Variants in GFPT2 observed in about 807,000 individuals in gnomAD.
The protein encoded by GFPT2 is glutamine--fructose-6-phosphate transaminase 2.
A neutral mutation model predicts 85.6 loss-of-function variants in GFPT2; 62 were observed. The ratio of observed to expected loss-of-function variants is 0.72; its 90% CI spans 0.59 to 0.90. The LOEUF (loss-of-function observed/expected upper bound fraction) is 0.90, where lower values mean the gene tolerates loss of function less well. Ranked by LOEUF, GFPT2 falls within the 40% of genes least tolerant of loss-of-function variation. The probability of loss-of-function intolerance (pLI) is 0.00; values close to 1 mark genes in which losing one functional copy is unlikely to be tolerated. For missense variants in GFPT2, 788 were observed against 893.4 expected (o/e 0.88, Z 1.50); for synonymous variants, 368 against 344.5 (o/e 1.07, Z -0.75).
chr5:180,319,434 A>G (rs1764077149), intron 9 of GFPT2, among the ~76,000 whole-genome samples: 1 of 152,212 alleles, frequency 6.6e-6, no homozygotes, highest in Non-Finnish European at 1.5e-5. Flanking sequence ...TAAAGCATTT[A>G]TCTCGCCTTT....
chr5:180,311,106 C>T (rs904331715), intron 15 of GFPT2, among the ~76,000 whole-genome samples: 1 of 152,182 alleles, frequency 6.6e-6, no homozygotes, highest in African/African-American at 2.4e-5. Context: ...CTATGATGGC[C>T]CTTCCCCAAC....
At chr5:180,319,054 G>C in intron 9 of GFPT2, 98 bp from the exon 10 acceptor site, 1 of 1,124,122 alleles carries the variant, frequency 8.9e-7, no homozygotes, top group Non-Finnish European at 1.3e-6. Context: ...CACATCGTTG[G>C]CATTTTAGGA....
intron 7 of GFPT2, among the ~76,000 whole-genome samples, chr5:180,326,004 G>A (rs1426442370): frequency 2.6e-5 from 4 of 151,430 alleles, no homozygotes; most frequent in Non-Finnish European, 4.4e-5. Flanking sequence ...CAGCTTGGGC[G>A]ACAAAGCGAG....
At position 180,328,354 on chromosome 5, in the gene GFPT2, C is replaced by T. The variant is rs375484298; in HGVS notation, c.535-16G>A. The T allele has an allele frequency of 5.4e-4, 864 of 1,604,982 alleles. 1 individual carries two copies. Among genetic ancestry groups the T allele is most frequent in the Non-Finnish European group, 7.0e-4 (816 of 1,172,256 alleles). ...ATGCACCTTCCTGAAAACACACAAA[C>T]AGTGAGGGTCAACGCGTTCCAGCAG... On this transcript the variant is annotated splice_polypyrimidine_tract_variant and intron_variant, in intron 6 of 18. Transcript: ENST00000253778. The surrounding 1 kb of genome is among the most constrained non-coding windows in gnomAD (Gnocchi z 5.4).
intron 9 of GFPT2, among the ~76,000 whole-genome samples, chr5:180,319,742 A>T (rs751863543): frequency 2.3e-4 from 35 of 152,194 alleles, no homozygotes; most frequent in Admixed American, 9.2e-4. Flanking sequence ...CCAACTATGT[A>T]GTCTTGCCAA....
chr5:180,301,450 A>G lies in GFPT2; in HGVS notation c.*114T>C. The G allele has an allele frequency of 2.2e-6, 2 of 914,724 alleles. No individual in the cohort carries two copies. The highest frequency in any genetic ancestry group is 2.4e-5 in the East Asian group (1 of 41,668). 56.7% of individuals were successfully genotyped at this position (914,724 alleles called of 1,614,324 possible). A position where few individuals can be genotyped will look rare whatever the true frequency, so the allele number is the denominator to read the frequency against. ...GCACGTGGAAGCTGTCAAGCTCTAC[A>G]GGAGCACGCAGAACATGTGGGATGT... On this transcript the variant is annotated 3_prime_UTR_variant, in exon 19 of 19. Coordinates refer to ENST00000253778, the MANE Select transcript of GFPT2 (RefSeq NM_005110.4).
At chr5:180,302,296 A>C (rs989779181) in intron 18 of GFPT2, 127 bp downstream of exon 18, 1 of 706,688 alleles carries the variant, frequency 1.4e-6, no homozygotes, top group Non-Finnish European at 2.2e-6. Context: ...CAAAAAAAAA[A>C]AAAAGAAAGC....
intron 1 of GFPT2, among the ~76,000 whole-genome samples, chr5:180,345,275 C>T (rs561408142): frequency 6.6e-6 from 1 of 152,396 alleles, no homozygotes; most frequent in East Asian, 1.9e-4. Flanking sequence ...TTGGTTGTGG[C>T]TTGGTCAAGA....
Position 180,330,599 on chromosome 5 carries a change from CT to C in GFPT2, c.534+100del. 1 of 968,708 alleles carries C rather than the reference CT, an allele frequency of 1.0e-6. No individual in the cohort carries two copies. Among genetic ancestry groups the C allele is most frequent in the Non-Finnish European group, 1.6e-6 (1 of 624,886 alleles). The allele number at this position is 968,708 out of a possible 1,614,324, so 60.0% of individuals were successfully genotyped here. The stretch of plus-strand genomic sequence containing the variant: ...TCTGTGCAAGTTTGTCTAACAAGGG[CT>C]TATAAAAAATGAAGGATTCCTTGGC... On this transcript the variant is annotated intron_variant, in intron 6 of 18. Coordinates refer to ENST00000253778, the MANE Select transcript of GFPT2 (RefSeq NM_005110.4). This position sits in a 1 kb window ranked among gnomAD's most constrained non-coding sequence, Gnocchi z 4.4.
Position 180,300,794 on chromosome 5 carries a change from C to T in GFPT2, c.*770G>A, listed in dbSNP as rs1298275037. On this transcript the variant is annotated 3_prime_UTR_variant, in exon 19 of 19. Coordinates refer to ENST00000253778, the MANE Select transcript of GFPT2 (RefSeq NM_005110.4). ...AGAGTTGCCCACTTGAAACTACTCT[C>T]TTGCATGGGATATTTCAAGCTGTTT... 2 of 152,650 alleles carry T rather than the reference C, an allele frequency of 1.3e-5. No individual in the cohort carries two copies. The highest frequency in any genetic ancestry group is 6.5e-5 in the Admixed American group (1 of 15,280). The allele number at this position is 152,650 out of a possible 1,614,324, so 9.5% of individuals were successfully genotyped here.
chr5:180,346,930 G>T (rs1477872669), intron 1 of GFPT2, among the ~76,000 whole-genome samples: 3 of 152,208 alleles, frequency 2.0e-5, no homozygotes, highest in African/African-American at 7.2e-5. Context: ...AACTTCTTTG[G>T]GGGAAAGTTT....
intron 1 of GFPT2, chr5:180,352,700 ACG>A: frequency 2.4e-6 from 1 of 422,644 alleles, no homozygotes; most frequent in Non-Finnish European, 4.7e-6. Flanking sequence ...TGAGGCACTG[ACG>A]CAGCGGGGGC....
chr5:180,329,485 AAAG>A (rs1186933031), intron 6 of GFPT2, among the ~76,000 whole-genome samples: 1 of 152,254 alleles, frequency 6.6e-6, no homozygotes, highest in Non-Finnish European at 1.5e-5. Flanking sequence ...TAAAAATGGA[AAAG>A]AAGAAACAGC....
At chr5:180,351,773 A>G (rs1173119617) in intron 1 of GFPT2, among the ~76,000 whole-genome samples, 1 of 152,192 alleles carries the variant, frequency 6.6e-6, no homozygotes. Flanking sequence ...AGATGCCAGT[A>G]GGAAGGAGGA....
Position 180,336,358 on chromosome 5 carries a change from T to G in GFPT2, c.214+121A>C, listed in dbSNP as rs1042606236. On this transcript the variant is annotated intron_variant, in intron 3 of 18. Transcript: ENST00000253778. ...CGGTTTTACAGCACGGGCTTAGCCC[T>G]CCCTCTGTTTATCTGAGCTGGGACA... The G allele has an allele frequency of 4.0e-4, 302 of 749,314 alleles. 2 individuals carry two copies. The highest frequency in any genetic ancestry group is 1.1e-4 in the Non-Finnish European group (46 of 409,206). 46.4% of individuals were successfully genotyped at this position (749,314 alleles called of 1,614,324 possible).
intron 17 of GFPT2, among the ~76,000 whole-genome samples, chr5:180,303,943 G>A (rs1763729430): frequency 6.6e-6 from 1 of 152,204 alleles, no homozygotes; most frequent in African/African-American, 2.4e-5. Context: ...GAAGGTTGGG[G>A]CTTTGAGACA....
intron 15 of GFPT2, among the ~76,000 whole-genome samples, chr5:180,309,167 C>G (rs930432581): frequency 6.6e-6 from 1 of 151,836 alleles, no homozygotes; most frequent in Admixed American, 6.6e-5. Flanking sequence ...CCACCGTGCC[C>G]GGCCCTAGAG....
intron 1 of GFPT2, among the ~76,000 whole-genome samples, chr5:180,347,400 A>G (rs1764629656): frequency 6.6e-6 from 1 of 152,092 alleles, no homozygotes; most frequent in Non-Finnish European, 1.5e-5. Flanking sequence ...TCACCCACCC[A>G]GAGCTTCCAG....
Position 180,353,332 on chromosome 5 carries a change from CA to C in GFPT2, c.-116del. Reference sequence around the variant, plus strand: ...TGGGCTCCGTGGGCTCCGCGGGCTCCAGCTCCCGTCCGCTCGGCCTCCAGCC... The same window carrying C: ...TGGGCTCCGTGGGCTCCGCGGGCTCCGCTCCCGTCCGCTCGGCCTCCAGCC... On this transcript the variant is annotated 5_prime_UTR_variant, in exon 1 of 19. Coordinates refer to ENST00000253778, the MANE Select transcript of GFPT2 (RefSeq NM_005110.4). The C allele has an allele frequency of 1.4e-6, 1 of 738,830 alleles. No individual in the cohort carries two copies. Among genetic ancestry groups the C allele is most frequent in the Non-Finnish European group, 1.7e-6 (1 of 581,734 alleles). The allele number at this position is 738,830 out of a possible 1,614,324, so 45.8% of individuals were successfully genotyped here.
Sources: gnomAD v4.1 joint callset for allele counts (sites outside exome capture counted in the v4.1 genomes callset) on GRCh38, gnomAD v4.1.1 for gene constraint, Gnocchi (gnomAD v3.1) non-coding constraint, MANE v1.5 for transcripts, NCBI Gene and HGNC (gene_info 2026-07-23, HGNC 2026-07-21) for gene names.